The following TWSG1 variants were observed in gnomAD, a reference collection of about 807,000 sequenced individuals.
The protein encoded by TWSG1 is twisted gastrulation BMP signaling modulator 1.
A neutral mutation model predicts 23.0 loss-of-function variants in TWSG1; 15 were observed. That is an observed-to-expected ratio of 0.65 (90% CI 0.44 to 1.00). The LOEUF (loss-of-function observed/expected upper bound fraction) is 1.00, where lower values mean the gene tolerates loss of function less well. TWSG1 is among the 50% of genes least tolerant of loss of function. TWSG1 has a pLI of 0.00. For missense variants in TWSG1, 242 were observed against 278.7 expected, an observed-to-expected ratio of 0.87 and a Z score of 0.94; for synonymous variants, 86 against 92.8, an observed-to-expected ratio of 0.93 and a Z score of 0.42.
chr18:9,364,801 AAAAAAG>A (rs1353853966), intron 3 of TWSG1, among the ~76,000 whole-genome samples: 1 of 151,154 alleles, frequency 6.6e-6, no homozygotes, highest in African/African-American at 2.4e-5. Flanking sequence ...CTCAGAAAAA[AAAAAAG>A]AAGAAGAAGA....
intron 2 of TWSG1, 83 bp downstream of exon 2, chr18:9,337,435 A>T (rs2040428111): frequency 1.4e-6 from 2 of 1,466,480 alleles, no homozygotes; most frequent in Non-Finnish European, 1.9e-6. Context: ...TAGAGTGCAT[A>T]TATCATATAG....
intron 3 of TWSG1, among the ~76,000 whole-genome samples, chr18:9,394,513 A>G (rs1420343889): frequency 6.6e-6 from 1 of 152,202 alleles, no homozygotes; most frequent in Non-Finnish European, 1.5e-5. Flanking sequence ...CTCTAGTTCT[A>G]TAGGATGACT....
At chr18:9,384,550 A>G (rs1358444057) in intron 3 of TWSG1, among the ~76,000 whole-genome samples, 1 of 152,210 alleles carries the variant, frequency 6.6e-6, no homozygotes, top group Admixed American at 6.5e-5. Flanking sequence ...TAAGATTGGA[A>G]ATAACTCTAA....
intron 3 of TWSG1, among the ~76,000 whole-genome samples, chr18:9,394,757 C>T (rs1166267797): frequency 6.6e-6 from 1 of 152,152 alleles, no homozygotes; most frequent in Non-Finnish European, 1.5e-5. Context: ...CCTACAGACA[C>T]ACACACATGC....
At chr18:9,366,090 T>C (rs1444092126) in intron 3 of TWSG1, among the ~76,000 whole-genome samples, 1 of 152,264 alleles carries the variant, frequency 6.6e-6, no homozygotes, top group Non-Finnish European at 1.5e-5. Context: ...GCCACCTGTT[T>C]AGCATGTCGT....
chr18:9,397,855 T>G (rs1399676200), intron 4 of TWSG1, among the ~76,000 whole-genome samples: 3 of 151,874 alleles, frequency 2.0e-5, no homozygotes, highest in African/African-American at 7.3e-5. Flanking sequence ...AAATACAAAA[T>G]TAGCTGGGCG....
chr18:9,364,396 C>T lies in TWSG1; in HGVS notation c.223+4325C>T, dbSNP rs562352340. ...CTAAAATTGATCCCATGAGTTCCGA[C>T]GGTGAAAGTCTGATCCCTTTGTGAT... On this transcript the variant is annotated intron_variant, in intron 3 of 4. Transcript: ENST00000262120. Among the ~76,000 whole-genome samples the T allele has an allele frequency of 3.3e-5, 5 of 152,320 alleles. No homozygotes were observed. In the South Asian group the frequency reaches 6.2e-4, roughly 19 times the overall value.
At chr18:9,381,214 C>T (rs375217939) in intron 3 of TWSG1, among the ~76,000 whole-genome samples, 1 of 152,182 alleles carries the variant, frequency 6.6e-6, no homozygotes, top group East Asian at 1.9e-4. Context: ...TTCTGGGTAA[C>T]TGCCAGCACA....
chr18:9,357,920 T>C (rs1249352315), intron 2 of TWSG1, among the ~76,000 whole-genome samples: 1 of 152,114 alleles, frequency 6.6e-6, no homozygotes, highest in Non-Finnish European at 1.5e-5. Context: ...GTTAACATCA[T>C]GTCATGGGGA....
intron 3 of TWSG1, among the ~76,000 whole-genome samples, chr18:9,361,122 T>A (rs1034250303): frequency 1.8e-4 from 27 of 152,196 alleles, no homozygotes; most frequent in African/African-American, 6.3e-4. Context: ...GTTATCCCAT[T>A]ATCTGTCTTT....
At chr18:9,371,609 A>G (rs2040605659) in intron 3 of TWSG1, among the ~76,000 whole-genome samples, 1 of 151,564 alleles carries the variant, frequency 6.6e-6, no homozygotes, top group Admixed American at 6.6e-5. Flanking sequence ...AATCACTTAT[A>G]TACATAGTTT....
chr18:9,380,363 A>G (rs1040398295), intron 3 of TWSG1, among the ~76,000 whole-genome samples: 2 of 152,188 alleles, frequency 1.3e-5, no homozygotes, highest in African/African-American at 2.4e-5. Flanking sequence ...CCAGCCACGC[A>G]GTCTTGCTTC....
At chr18:9,338,909 G>A (rs891998601) in intron 2 of TWSG1, among the ~76,000 whole-genome samples, 3 of 152,152 alleles carry the variant, frequency 2.0e-5, no homozygotes, top group African/African-American at 7.2e-5. Flanking sequence ...ATTAAAAATT[G>A]TACTTTGGCC....
Position 9,337,212 on chromosome 18 carries a change from C to G in TWSG1, c.-18C>G. ...GTTTAGTTTCCTGGGAGTTACTGAT[C>G]ATCTTCTTTGAAGAAACATGAAGTT... On this transcript the variant is annotated 5_prime_UTR_variant, in exon 2 of 5. The change creates a new upstream start codon in the 5' untranslated region. Transcript: ENST00000262120. 2 of 1,608,240 alleles carry G rather than the reference C, an allele frequency of 1.2e-6. No individual in the cohort carries two copies. The highest frequency in any genetic ancestry group is 1.1e-5 in the South Asian group (1 of 91,000).
rs143807731 is a variant in TWSG1, at chr18:9,396,407, C to T, written c.351C>T (p.Asn117=). The change falls in exon 4 of 5, where the codon AAC becomes AAT. Residue 117 remains asparagine, a synonymous_variant. Coordinates refer to ENST00000262120, the MANE Select transcript of TWSG1 (RefSeq NM_020648.6). Reference sequence around the variant, plus strand: ...AAGGAGATACTCAGTTGAATTGGAACATCGTTTCTTTCCCTGTTGCAGAAG... The same window carrying T: ...AAGGAGATACTCAGTTGAATTGGAATATCGTTTCTTTCCCTGTTGCAGAAG... ...LTEGDTQLNW[N]IVSFPVAEEL... 48 of 1,614,054 alleles carry T rather than the reference C, an allele frequency of 3.0e-5. No homozygotes were observed. In the African/African-American group the frequency reaches 5.6e-4, roughly 19 times the overall value.
At chr18:9,386,071 A>T (rs2040682034) in intron 3 of TWSG1, among the ~76,000 whole-genome samples, 2 of 152,100 alleles carry the variant, frequency 1.3e-5, no homozygotes, top group African/African-American at 2.4e-5. Flanking sequence ...CAGGAGACTA[A>T]GACAGGAGAA....
intron 3 of TWSG1, among the ~76,000 whole-genome samples, chr18:9,370,779 C>G (rs72941932): frequency 9.2e-5 from 14 of 152,062 alleles, no homozygotes; most frequent in African/African-American, 3.1e-4. Context: ...GAATTTTCTT[C>G]AAGAACATTC....
At chr18:9,376,073 C>G (rs554797764) in intron 3 of TWSG1, among the ~76,000 whole-genome samples, 1 of 152,076 alleles carries the variant, frequency 6.6e-6, no homozygotes, top group Non-Finnish European at 1.5e-5. Flanking sequence ...TGCCACCATG[C>G]CCAGCTAATT....
intron 3 of TWSG1, among the ~76,000 whole-genome samples, chr18:9,382,954 C>A (rs185644749): frequency 4.8e-4 from 73 of 152,134 alleles, no homozygotes; most frequent in African/African-American, 1.7e-3. Context: ...TTGAGGTGAA[C>A]CACTTAATAT....
Sources: allele counts gnomAD v4.1 joint callset (sites outside exome capture counted in the v4.1 genomes callset), GRCh38; gene constraint gnomAD v4.1.1; transcripts MANE v1.5; gene names NCBI Gene and HGNC (gene_info 2026-07-23, HGNC 2026-07-21).